XIRP2: variants seen among roughly 807,000 people sequenced by gnomAD.
XIRP2 encodes xin actin-binding repeat-containing protein 2.
Under a neutral mutation model 277.0 loss-of-function variants are expected in XIRP2, and 236 were observed. The ratio of observed to expected loss-of-function variants is 0.85; its 90% CI spans 0.77 to 0.95. XIRP2 has a LOEUF of 0.95. XIRP2 is among the 40% of genes least tolerant of loss of function. XIRP2 has a pLI of 0.00. For synonymous variants in XIRP2, 1,490 were observed against 1,416.5 expected (o/e 1.05, Z -1.17); for missense variants, 4,640 against 4,157.5 (o/e 1.12, Z -3.19).
At position 167,259,235 on chromosome 2, in the gene XIRP2, A is replaced by G. The variant is rs1244483754; in HGVS notation, c.*1418A>G. 11 of 1,613,464 alleles carry G rather than the reference A, an allele frequency of 6.8e-6. No homozygotes were observed. The highest frequency in any genetic ancestry group is 8.5e-6 in the Non-Finnish European group (10 of 1,179,618). ...AGAAGCTGCCCGCAATAATGAAAAC[A>G]CAGGTTTTGATGCTCTGAGCCATGA... On this transcript the variant is annotated 3_prime_UTR_variant, in exon 11 of 11. Transcript: ENST00000409195.
chr2:167,022,381 T>C lies in XIRP2; in HGVS notation c.409-113528T>C, dbSNP rs112592219. On this transcript the variant is annotated intron_variant, in intron 2 of 10. Transcript: ENST00000409195. The stretch of plus-strand genomic sequence containing the variant: ...ATTTTCTAAATGTTGTTGGATATTA[T>C]TTTAAGTATTAACACATTTAATTTT... Among the ~76,000 whole-genome samples the C allele has an allele frequency of 7.6e-4, 115 of 152,254 alleles. 1 individual carries two copies. Among genetic ancestry groups the C allele is most frequent in the African/African-American group, 2.7e-3 (113 of 41,572 alleles).
chr2:167,157,193 A>C (rs16853103), intron 3 of XIRP2, among the ~76,000 whole-genome samples: 14,566 of 152,188 alleles, frequency 0.096, 746 homozygotes, highest in South Asian at 0.15. Flanking sequence ...TCTTGAAAGA[A>C]GTGTTTGTCA....
chr2:167,238,212 A>C (rs1381757654), intron 5 of XIRP2, among the ~76,000 whole-genome samples: 1 of 152,186 alleles, frequency 6.6e-6, no homozygotes, highest in African/African-American at 2.4e-5. Context: ...TCCTTAGCAC[A>C]AACTGTGTGT....
rs984275747 is a variant in XIRP2 at position 167,210,678 on chromosome 2, G to C, written c.563-57G>C. The stretch of plus-strand genomic sequence containing the variant: ...AATGCTTCACCATTTATAAGGTGAT[G>C]CTGTTTTCTTCTTAAAGCTTAACAC... On this transcript the variant is annotated intron_variant, in intron 3 of 10. Transcript: ENST00000409195. 8.2e-6 allele frequency: 13 copies of C among 1,588,722 alleles called. No individual in the cohort carries two copies. The Admixed American group carries it at 1.4e-4, about 17-fold the overall frequency.
At chr2:166,967,833 T>G (rs987564269) in intron 2 of XIRP2, among the ~76,000 whole-genome samples, 4 of 151,942 alleles carry the variant, frequency 2.6e-5, no homozygotes, top group African/African-American at 9.7e-5. Flanking sequence ...TTCCCCACCT[T>G]TGCTACTTTT....
At chr2:167,010,212 TA>T (rs1343873576) in intron 2 of XIRP2, among the ~76,000 whole-genome samples, 1 of 152,196 alleles carries the variant, frequency 6.6e-6, no homozygotes, top group African/African-American at 2.4e-5. Flanking sequence ...GGTCTAACGT[TA>T]AAGTCTTTAA....
At chr2:167,132,366 C>T (rs1208893822) in intron 2 of XIRP2, among the ~76,000 whole-genome samples, 1 of 152,146 alleles carries the variant, frequency 6.6e-6, no homozygotes, top group African/African-American at 2.4e-5. Context: ...GGCTGCCAAA[C>T]ATCCTACCTG....
rs1016269821 is a variant in XIRP2 at position 167,175,733 on chromosome 2, C to T, written c.563-35002C>T. Among the ~76,000 whole-genome samples the T allele has an allele frequency of 2.6e-5, 4 of 152,152 alleles. No homozygotes were observed. The East Asian group carries it at 7.7e-4, about 29-fold the overall frequency. ...AATGTTTAAGTCTGCTGAAGCTGCTCCCACAGCTGCCCCTTCCCCCAGGTG... is the reference window on the plus strand; with the variant it reads ...AATGTTTAAGTCTGCTGAAGCTGCTTCCACAGCTGCCCCTTCCCCCAGGTG... On this transcript the variant is annotated intron_variant, in intron 3 of 10. Coordinates refer to ENST00000409195, the MANE Select transcript of XIRP2 (RefSeq NM_152381.6).
rs1695236249 is a variant in XIRP2 at position 167,245,764 on chromosome 2, A to G, written c.4372A>G (p.Thr1458Ala). 2 of 1,613,756 alleles carry G rather than the reference A, an allele frequency of 1.2e-6. No homozygotes were observed. Among genetic ancestry groups the G allele is most frequent in the Non-Finnish European group, 1.7e-6 (2 of 1,179,768 alleles). The change falls in exon 9 of 11, where the codon ACC (threonine) becomes GCC (alanine). Residue 1458 changes from threonine to alanine, a missense_variant. Thr to Ala is a moderately conservative substitution (Grantham distance 58, BLOSUM62 0). Transcript: ENST00000409195. ...NVKTSTWLFE[T>A]HTMDELRGEG... ...TAAAACATCTACTTGGCTATTTGAA[A>G]CCCACACTATGGATGAACTGAGAGG...
intron 2 of XIRP2, among the ~76,000 whole-genome samples, chr2:167,034,387 A>G (rs1688451558): frequency 6.6e-6 from 1 of 152,228 alleles, no homozygotes; most frequent in South Asian, 2.1e-4. Context: ...GGAACTACAC[A>G]GAATAACAAA....
intron 2 of XIRP2, among the ~76,000 whole-genome samples, chr2:167,023,591 C>A (rs575051711): frequency 6.6e-6 from 1 of 152,132 alleles, no homozygotes; most frequent in Non-Finnish European, 1.5e-5. Flanking sequence ...GGTTTTAGGT[C>A]AAACATGTAA....
chr2:167,073,003 C>G (rs1689472426), intron 2 of XIRP2, among the ~76,000 whole-genome samples: 1 of 152,082 alleles, frequency 6.6e-6, no homozygotes, highest in South Asian at 2.1e-4. Flanking sequence ...TTTGAAACAA[C>G]TATGATACAA....
intron 2 of XIRP2, among the ~76,000 whole-genome samples, chr2:166,946,758 G>C (rs1685877862): frequency 6.6e-6 from 1 of 152,048 alleles, no homozygotes; most frequent in African/African-American, 2.4e-5. Context: ...TAATTGAGAG[G>C]ATCAGTAAGA....
chr2:167,234,316 AT>A (rs529159650), intron 5 of XIRP2, among the ~76,000 whole-genome samples: 6 of 151,508 alleles, frequency 4.0e-5, no homozygotes, highest in African/African-American at 1.4e-4. Flanking sequence ...TATCTGCATA[AT>A]TCATGCTTTG....
chr2:166,931,570 C>T (rs191524977), intron 2 of XIRP2, among the ~76,000 whole-genome samples: 19 of 152,152 alleles, frequency 1.2e-4, no homozygotes, highest in African/African-American at 4.6e-4. Context: ...TTTGGAGGAG[C>T]TTTTCCATGT....
In XIRP2 at chr2:166,978,275, T is replaced by C. The variant is rs555516193; in HGVS notation, c.408+74385T>C. Among the ~76,000 whole-genome samples the C allele has an allele frequency of 3.0e-4, 46 of 152,294 alleles. No individual in the cohort carries two copies. The Middle Eastern group carries it at 0.014, about 45-fold the overall frequency. On this transcript the variant is annotated intron_variant, in intron 2 of 10. Transcript: ENST00000409195. ...TGTCACTACCACTGTCTATTTTTAT[T>C]ATAGATCTACAATAAGTAATCAATC...
At chr2:167,174,408 G>A (rs1692779588) in intron 3 of XIRP2, among the ~76,000 whole-genome samples, 1 of 152,178 alleles carries the variant, frequency 6.6e-6, no homozygotes, top group Non-Finnish European at 1.5e-5. Flanking sequence ...GCTGAGAGAT[G>A]TTTATAATAT....
chr2:167,200,186 C>A (rs375897287), intron 3 of XIRP2, among the ~76,000 whole-genome samples: 2 of 152,074 alleles, frequency 1.3e-5, no homozygotes, highest in Non-Finnish European at 2.9e-5. Flanking sequence ...AGCACAGTAA[C>A]GGTAGAATGA....
chr2:166,980,104 A>ATG (rs1553475156), intron 2 of XIRP2, among the ~76,000 whole-genome samples: 1 of 152,004 alleles, frequency 6.6e-6, no homozygotes, highest in Non-Finnish European at 1.5e-5. Flanking sequence ...AAATTTAGCC[A>ATG]TTTTTTCTGC....
Sources: allele counts gnomAD v4.1 joint callset (sites outside exome capture counted in the v4.1 genomes callset), GRCh38; gene constraint gnomAD v4.1.1; transcripts MANE v1.5; gene names NCBI Gene and HGNC (gene_info 2026-07-23, HGNC 2026-07-21).